Variants in ANXA7 observed in about 807,000 individuals in gnomAD.
ANXA7 encodes the protein annexin VII.
ANXA7 carries 55 observed loss-of-function variants against 64.9 expected under a neutral mutation model. The observed-to-expected ratio is 0.85, with a 90% CI of 0.68 to 1.06. The LOEUF is 1.06. Ranked by LOEUF, ANXA7 falls within the 50% of genes least tolerant of loss-of-function variation. The pLI is 0.00. For missense variants in ANXA7, 548 were observed against 582.1 expected, an observed-to-expected ratio of 0.94 and a Z score of 0.60; for synonymous variants, 200 against 192.4, an observed-to-expected ratio of 1.04 and a Z score of -0.33.
intron 1 of ANXA7, among the ~76,000 whole-genome samples, chr10:73,401,790 C>T (rs546733357): frequency 1.4e-5 from 2 of 147,760 alleles, no homozygotes; most frequent in South Asian, 4.5e-4. Context: ...GCGTAAGCCA[C>T]CTCACCCGGC....
At chr10:73,386,977 T>C (rs971352587) in intron 7 of ANXA7, among the ~76,000 whole-genome samples, 2 of 151,904 alleles carry the variant, frequency 1.3e-5, no homozygotes, top group African/African-American at 4.8e-5. Context: ...GCTCAGTCCA[T>C]ATAATTTTAA....
intron 9 of ANXA7, 38 bp downstream of exon 9, chr10:73,383,137 T>C: frequency 6.5e-7 from 1 of 1,542,396 alleles, no homozygotes; most frequent in Admixed American, 2.0e-5. Flanking sequence ...TAAAGTATGT[T>C]CCCTCTATCA....
In ANXA7 at chr10:73,412,525, T is replaced by C. The variant is rs2055861601; in HGVS notation, c.-2+1487A>G. On this transcript the variant is annotated intron_variant, in intron 1 of 12. Transcript: ENST00000372921. The stretch of plus-strand genomic sequence containing the variant: ...TTTTTTTTTTTTTTGTGACAGAGTT[T>C]CTCTCTGCCGCCCAGGCTGGAGTGC... Among the ~76,000 whole-genome samples the C allele has an allele frequency of 2.7e-5, 4 of 150,432 alleles. No individual in the cohort carries two copies. The South Asian group carries it at 8.4e-4, about 32-fold the overall frequency.
chr10:73,377,773 G>GTGTGTGT lies in ANXA7; in HGVS notation c.1278+1137_1278+1138insACACACA, dbSNP rs2055200570. ...ACTACCATGCCGGGGGGTGGGTGTG[G>GTGTGTGT]GTGTGTGTGTGTGTGTGTGTGTGTG... is the stretch of plus-strand genomic sequence containing the variant. On this transcript the variant is annotated intron_variant, in intron 12 of 12. Coordinates refer to ENST00000372921, the MANE Select transcript of ANXA7 (RefSeq NM_001156.5). Among the ~76,000 whole-genome samples the GTGTGTGT allele has an allele frequency of 2.0e-3, 247 of 124,842 alleles. 5 individuals carry two copies. Among genetic ancestry groups the GTGTGTGT allele is most frequent in the African/African-American group, 7.6e-3 (238 of 31,114 alleles). 81.9% of individuals were successfully genotyped at this position (124,842 alleles called of 152,430 possible). A position where few individuals can be genotyped will look rare whatever the true frequency, so the allele number is the denominator to read the frequency against.
In ANXA7 at chr10:73,375,904, T is replaced by C. The variant is rs941746042; in HGVS notation, c.*191A>G. 1.7e-5 allele frequency: 7 copies of C among 422,140 alleles called. No homozygotes were observed. The Admixed American group carries it at 2.5e-4, about 15-fold the overall frequency. The allele number at this position is 422,140 out of a possible 1,614,324, so 26.1% of individuals were successfully genotyped here. On this transcript the variant is annotated 3_prime_UTR_variant, in exon 13 of 13. Coordinates refer to ENST00000372921, the MANE Select transcript of ANXA7 (RefSeq NM_001156.5). ...GTGATATGGCTTTACATTGATTGTA[T>C]GTAGAGAACAAAATAAAATTAGAAT... is the stretch of plus-strand genomic sequence containing the variant.
intron 1 of ANXA7, among the ~76,000 whole-genome samples, chr10:73,413,678 T>A (rs957336606): frequency 2.2e-4 from 34 of 152,312 alleles, no homozygotes; most frequent in African/African-American, 8.2e-4. Flanking sequence ...GCCCGTGCGT[T>A]TCCCTACTCA....
At position 73,384,696 on chromosome 10, in the gene ANXA7, C is replaced by T. The variant is rs1055537905; in HGVS notation, c.634-1006G>A. ...CATTACACACATGAACCACTGTGCC[C>T]AGCCGATATTGTTCTTATTTGGAAA... On this transcript the variant is annotated intron_variant, in intron 7 of 12. Transcript: ENST00000372921. Among the ~76,000 whole-genome samples, 4 of 151,870 alleles carry T rather than the reference C, an allele frequency of 2.6e-5. No individual in the cohort carries two copies. The South Asian group carries it at 6.2e-4, about 24-fold the overall frequency.
chr10:73,407,649 C>T (rs2055779339), intron 1 of ANXA7, among the ~76,000 whole-genome samples: 1 of 152,166 alleles, frequency 6.6e-6, no homozygotes, highest in African/African-American at 2.4e-5. Flanking sequence ...GCCAAATAAA[C>T]CCAACTCAAG....
chr10:73,396,765 C>A (rs932962528), intron 4 of ANXA7, among the ~76,000 whole-genome samples, 182 bp from the exon 5 acceptor site: 2 of 151,970 alleles, frequency 1.3e-5, no homozygotes, highest in African/African-American at 4.8e-5. Context: ...TCATAAGAAC[C>A]TTTTTAATAT....
At chr10:73,413,161 T>C (rs1241887009) in intron 1 of ANXA7, among the ~76,000 whole-genome samples, 1 of 151,562 alleles carries the variant, frequency 6.6e-6, no homozygotes, top group Admixed American at 6.5e-5. Context: ...CAGTGAGGAC[T>C]GAAAGACAGT....
In ANXA7 at chr10:73,379,005, C is replaced by T. The variant is rs568535721; in HGVS notation, c.1184G>A (p.Arg395His). Residue 395 changes from arginine (R) to histidine (H), a missense_variant, in exon 12 of 13, where the codon CGC (arginine) becomes CAC (histidine). Arg to His is a conservative substitution (Grantham distance 29). Transcript: ENST00000372921. ...GAGCCTCTCAGCAAAGAAGGCAGGG[C>T]GGTTCAGGGCACACTGCACTGCAAG... ...LKTILQCALN[R>H]PAFFAERLYY... 42 of 1,612,166 alleles carry T rather than the reference C, an allele frequency of 2.6e-5. 1 individual carries two copies. Among genetic ancestry groups the T allele is most frequent in the South Asian group, 2.1e-4 (19 of 90,702 alleles).
At chr10:73,388,878 T>C (rs994964945) in intron 5 of ANXA7, among the ~76,000 whole-genome samples, 7 of 152,204 alleles carry the variant, frequency 4.6e-5, no homozygotes, top group Non-Finnish European at 7.3e-5. Flanking sequence ...ATTTCCTATA[T>C]GGACCCTGAT....
chr10:73,398,225 T>C lies in ANXA7; in HGVS notation c.215A>G (p.Tyr72Cys). ...TCCCCCTGGCTGTGGGGCACCAGGATAGCCTCCAGGGGCTGGATAACCTCC... is the reference window on the plus strand; with the variant it reads ...TCCCCCTGGCTGTGGGGCACCAGGACAGCCTCCAGGGGCTGGATAACCTCC... ...APGGYPAPGG[Y>C]PGAPQPGGAP... The change falls in exon 3 of 13, where the codon TAT becomes TGT. Residue 72 changes from tyrosine to cysteine, a missense_variant. Coordinates refer to ENST00000372921, the MANE Select transcript of ANXA7 (RefSeq NM_001156.5). The C allele has an allele frequency of 6.2e-7, 1 of 1,613,908 alleles. No individual in the cohort carries two copies. Among genetic ancestry groups the C allele is most frequent in the South Asian group, 1.1e-5 (1 of 91,072 alleles).
chr10:73,391,951 T>C (rs1481472188), intron 5 of ANXA7, among the ~76,000 whole-genome samples: 2 of 151,888 alleles, frequency 1.3e-5, no homozygotes, highest in Non-Finnish European at 2.9e-5. Context: ...ATAAGTTGCA[T>C]ATGAGACTAA....
At chr10:73,378,065 G>A (rs1055714962) in intron 12 of ANXA7, among the ~76,000 whole-genome samples, 2 of 150,812 alleles carry the variant, frequency 1.3e-5, no homozygotes, top group Non-Finnish European at 3.0e-5. Flanking sequence ...ACGACACCCC[G>A]CCATGTTTTC....
chr10:73,384,322 C>G (rs764413223), intron 7 of ANXA7, among the ~76,000 whole-genome samples: 1 of 152,026 alleles, frequency 6.6e-6, no homozygotes, highest in Non-Finnish European at 1.5e-5. Flanking sequence ...AAATGATAAA[C>G]AGATATTTAC....
Position 73,377,930 on chromosome 10 carries a change from T to TGTGTGTGTGTGTGTGTGC in ANXA7, c.1278+980_1278+981insGCACACACACACACACAC, listed in dbSNP as rs542289005. 1.9e-3 allele frequency among the ~76,000 whole-genome samples: 277 copies of TGTGTGTGTGTGTGTGTGC among 142,574 alleles called. 2 individuals carry two copies. Among genetic ancestry groups the TGTGTGTGTGTGTGTGTGC allele is most frequent in the African/African-American group, 7.1e-3 (253 of 35,490 alleles). The allele number at this position is 142,574 out of a possible 152,430, so 93.5% of individuals were successfully genotyped here. ...GTGTGTGTGTGTGTGTGTGTGTGTG[T>TGTGTGTGTGTGTGTGTGC]GCGCGCGCGTGTGTTTTTTGTAGAA... is the stretch of plus-strand genomic sequence containing the variant. On this transcript the variant is annotated intron_variant, in intron 12 of 12. Coordinates refer to ENST00000372921, the MANE Select transcript of ANXA7 (RefSeq NM_001156.5).
rs1388375260 is a variant in ANXA7 at position 73,397,225 on chromosome 10, A to C, written c.309T>G (p.Ser103=). ...ACTGTGAAGGTGGCTGTGGATACCC[A>C]GAAAAGCCTGCTCCACCTGGTGGGA... ...FGVPPGGAGF[S]GYPQPPSQSY... The change falls in exon 4 of 13, where the codon TCT becomes TCG. Residue 103 remains serine (S), a synonymous_variant. Coordinates refer to ENST00000372921, the MANE Select transcript of ANXA7 (RefSeq NM_001156.5). 6.2e-7 allele frequency: 1 copy of C among 1,612,688 alleles called. No individual in the cohort carries two copies. The highest frequency in any genetic ancestry group is 1.3e-5 in the African/African-American group (1 of 74,902).
rs781560621 is a variant in ANXA7 at position 73,387,805 on chromosome 10, A to C, written c.539-22T>G. The C allele has an allele frequency of 3.4e-5, 53 of 1,564,874 alleles. 1 individual carries two copies. Among genetic ancestry groups the C allele is most frequent in the Non-Finnish European group, 4.6e-5 (52 of 1,135,836 alleles). On this transcript the variant is annotated intron_variant, in intron 6 of 12. Coordinates refer to ENST00000372921, the MANE Select transcript of ANXA7 (RefSeq NM_001156.5). ...GTCCCTGGAAGAACCACACATGTTT[A>C]AGTAAGGACAAAGTACATGCTAGGT...
Sources: allele counts gnomAD v4.1 joint callset (sites outside exome capture counted in the v4.1 genomes callset), GRCh38; gene constraint gnomAD v4.1.1; transcripts MANE v1.5; gene names NCBI Gene and HGNC (gene_info 2026-07-23, HGNC 2026-07-21).